PRRT2: variants seen among roughly 807,000 people sequenced by gnomAD.
PRRT2 encodes the protein proline-rich transmembrane protein 2.
A neutral mutation model predicts 24.7 loss-of-function variants in PRRT2; 9 were observed. The observed-to-expected ratio is 0.36, with a 90% confidence interval of 0.22 to 0.64. The LOEUF is 0.64. PRRT2 is among the 30% of genes least tolerant of loss of function. The pLI, the probability that PRRT2 is intolerant of heterozygous loss-of-function variation, is 0.65. For synonymous variants in PRRT2, 195 were observed against 175.5 expected, an observed-to-expected ratio of 1.11 and a Z score of -0.88; for missense variants, 460 against 435.0, an observed-to-expected ratio of 1.06 and a Z score of -0.51.
At position 29,814,099 on chromosome 16, in the gene PRRT2, C is replaced by A; in HGVS notation, c.879+166C>A. 2.0e-6 allele frequency: 3 copies of A among 1,472,362 alleles called. No individual in the cohort carries two copies. The highest frequency in any genetic ancestry group is 1.8e-6 in the Non-Finnish European group (2 of 1,120,796). 91.2% of individuals were successfully genotyped at this position (1,472,362 alleles called of 1,614,324 possible). A position where few individuals can be genotyped will look rare whatever the true frequency, so the allele number is the denominator to read the frequency against. ...TGTTTGCCTCTCCCTAGGACCTAAC[C>A]CTCTGAGCCACCACTGCCCTGCCCC... On this transcript the variant is annotated intron_variant, in intron 2 of 3. Transcript: ENST00000358758. The surrounding 1 kb of genome is among the most constrained non-coding windows in gnomAD (Gnocchi z 4.1).
rs1359563519 is a variant in PRRT2 at position 29,813,918 on chromosome 16, C to T, written c.864C>T (p.Phe288=). The T allele has an allele frequency of 1.9e-6, 3 of 1,598,156 alleles. No individual in the cohort carries two copies. The highest frequency in any genetic ancestry group is 1.7e-5 in the Admixed American group (1 of 58,006). ...TGTGGCCTGTCAACATCGTGGCCTTCGCTTATGCTGTCATGGTGAGCCCCA... is the reference window on the plus strand; with the variant it reads ...TGTGGCCTGTCAACATCGTGGCCTTTGCTTATGCTGTCATGGTGAGCCCCA... ...CPMWPVNIVA[F]AYAVMSRNSL... The change falls in exon 2 of 4, where the codon TTC becomes TTT. Residue 288 remains phenylalanine, a synonymous_variant. Transcript: ENST00000358758.
chr16:29,813,944 T>C lies in PRRT2; in HGVS notation c.879+11T>C. ...GCTTATGCTGTCATGGTGAGCCCCA[T>C]GGGACCCTAGCCCAGGCCTGCTGTG... On this transcript the variant is annotated intron_variant, in intron 2 of 3. Transcript: ENST00000358758. 2 of 1,570,566 alleles carry C rather than the reference T, an allele frequency of 1.3e-6. No individual in the cohort carries two copies. The highest frequency in any genetic ancestry group is 1.4e-5 in the African/African-American group (1 of 73,750).
intron 1 of PRRT2, among the ~76,000 whole-genome samples, chr16:29,812,732 G>A (rs1017838129): frequency 3.3e-5 from 5 of 151,852 alleles, no homozygotes; most frequent in African/African-American, 1.2e-4. Flanking sequence ...TTGTTGGATG[G>A]ACCCAGGGAG....
chr16:29,814,360 G>C lies in PRRT2; in HGVS notation c.907G>C (p.Val303Leu). 3.7e-6 allele frequency: 6 copies of C among 1,607,850 alleles called. No homozygotes were observed. The highest frequency in any genetic ancestry group is 5.1e-6 in the Non-Finnish European group (6 of 1,178,922). The change falls in exon 3 of 4, where the codon GTG becomes CTG. Residue 303 changes from valine to leucine, a missense_variant. Physicochemically the swap from Val to Leu is conservative, Grantham distance 32. Coordinates refer to ENST00000358758, the MANE Select transcript of PRRT2 (RefSeq NM_145239.3). This position sits in a 1 kb window ranked among gnomAD's most constrained non-coding sequence, Gnocchi z 4.1. ...CCGGAACAGCCTGCAGCAGGGGGAC[G>C]TGGACGGGGCCCAGCGTCTGGGCCG... ...MSRNSLQQGD[V>L]DGAQRLGRVA...
rs1247458543 is a variant in PRRT2, at chr16:29,814,685, C to T, written c.*47C>T. On this transcript the variant is annotated 3_prime_UTR_variant, in exon 4 of 4. Coordinates refer to ENST00000358758, the MANE Select transcript of PRRT2 (RefSeq NM_145239.3). This position sits in a 1 kb window ranked among gnomAD's most constrained non-coding sequence, Gnocchi z 4.1. ...AGACTTTTCTTCCTGTTGGGAGCTGCCTTGGGCCCATCCCTCCCCTGGGGG... is the reference window on the plus strand; with the variant it reads ...AGACTTTTCTTCCTGTTGGGAGCTGTCTTGGGCCCATCCCTCCCCTGGGGG... 6.3e-7 allele frequency: 1 copy of T among 1,576,562 alleles called. No homozygotes were observed. Among genetic ancestry groups the T allele is most frequent in the South Asian group, 1.2e-5 (1 of 84,706 alleles).
Position 29,813,546 on chromosome 16 carries a change from G to C in PRRT2, c.492G>C (p.Glu164Asp). 1.9e-6 allele frequency: 3 copies of C among 1,613,810 alleles called. No homozygotes were observed. The highest frequency in any genetic ancestry group is 2.2e-5 in the South Asian group (2 of 91,076). Residue 164 changes from glutamate to aspartate, a missense_variant, in exon 2 of 4, where the codon GAG becomes GAC. Transcript: ENST00000358758. Reference sequence around the variant, plus strand: ...TTCAACCAGAGCTCCCTACCCAGGAGGACCCCACCCCTGAGATTCTGTCTG... The same window carrying C: ...TTCAACCAGAGCTCCCTACCCAGGACGACCCCACCCCTGAGATTCTGTCTG... ...PALQPELPTQEDPTPEILSES... is the reference protein window; with the variant it reads ...PALQPELPTQDDPTPEILSES...
chr16:29,813,864 C>A lies in PRRT2; in HGVS notation c.810C>A (p.Ile270=). ...EGTQKPRDYI[I]LAILSCFCPM... ...CCCAGAAACCTCGGGACTACATCAT[C>A]CTTGCCATCCTGTCCTGCTTCTGCC... Residue 270 remains isoleucine (I), a synonymous_variant, in exon 2 of 4, where the codon ATC becomes ATA. Transcript: ENST00000358758. 6.2e-7 allele frequency: 1 copy of A among 1,613,724 alleles called. No homozygotes were observed. Among genetic ancestry groups the A allele is most frequent in the Non-Finnish European group, 8.5e-7 (1 of 1,179,770 alleles).
In PRRT2 at chr16:29,815,712, GGTTT is replaced by G. The variant is rs1401398060; in HGVS notation, c.*1075_*1078del. ...TACAACGCGGTTCGGATTTGGCGGG[GGTTT>G]TTTTCCTTAAAAAAAAAAAAAAAAA... On this transcript the variant is annotated 3_prime_UTR_variant, in exon 4 of 4. Transcript: ENST00000358758. 7.2e-6 allele frequency: 1 copy of G among 138,614 alleles called. No individual in the cohort carries two copies. The highest frequency in any genetic ancestry group is 7.3e-5 in the Admixed American group (1 of 13,756). 8.6% of individuals were successfully genotyped at this position (138,614 alleles called of 1,614,324 possible).
rs1351701416 is a variant in PRRT2, at chr16:29,813,523, C to A, written c.469C>A (p.Gln157Lys). ...DSQPTPKPAL[Q>K]PELPTQEDPT... is the part of the protein sequence containing the mutation. ...CCAGCCTACCCCCAAGCCAGCCCTT[C>A]AACCAGAGCTCCCTACCCAGGAGGA... Residue 157 changes from glutamine (Q) to lysine (K), a missense_variant, in exon 2 of 4, where the codon CAA becomes AAA. Gln to Lys is a moderately conservative substitution (Grantham distance 53). Coordinates refer to ENST00000358758, the MANE Select transcript of PRRT2 (RefSeq NM_145239.3). The A allele has an allele frequency of 6.2e-7, 1 of 1,613,764 alleles. No homozygotes were observed. Among genetic ancestry groups the A allele is most frequent in the Non-Finnish European group, 8.5e-7 (1 of 1,179,832 alleles).
intron 1 of PRRT2, among the ~76,000 whole-genome samples, chr16:29,812,679 C>T (rs1900037346): frequency 6.6e-6 from 1 of 152,010 alleles, no homozygotes; most frequent in South Asian, 2.1e-4. Context: ...GCTATTTGCA[C>T]AGCTCGTTGA....
At position 29,814,318 on chromosome 16, in the gene PRRT2, TCG is replaced by T; in HGVS notation, c.880-13_880-12del. On this transcript the variant is annotated splice_polypyrimidine_tract_variant and intron_variant, in intron 2 of 3. Transcript: ENST00000358758. This position sits in a 1 kb window ranked among gnomAD's most constrained non-coding sequence, Gnocchi z 4.1. ...GACCCCGGCTATGTGCCTCCACCCC[TCG>T]CCCTAACCCCAGTCCCGGAACAGCC... is the stretch of plus-strand genomic sequence containing the variant. The T allele has an allele frequency of 6.3e-7, 1 of 1,581,820 alleles. No homozygotes were observed. Among genetic ancestry groups the T allele is most frequent in the Non-Finnish European group, 8.5e-7 (1 of 1,170,684 alleles).
Position 29,814,909 on chromosome 16 carries a change from TTCTGGAAACCTCCCTGCAC to T in PRRT2, c.*288_*306del, listed in dbSNP as rs959215781. 84 of 475,058 alleles carry T rather than the reference TTCTGGAAACCTCCCTGCAC, an allele frequency of 1.8e-4. No individual in the cohort carries two copies. The highest frequency in any genetic ancestry group is 6.7e-4 in the Admixed American group (17 of 25,562). The allele number at this position is 475,058 out of a possible 1,614,324, so 29.4% of individuals were successfully genotyped here. Reference sequence around the variant, plus strand: ...GCCTCTTGGCCCCCTATCCCTGCACTTCTGGAAACCTCCCTGCACTCTGGAAACCTCCCTGAACACCTCC... The same window carrying T: ...GCCTCTTGGCCCCCTATCCCTGCACTTCTGGAAACCTCCCTGAACACCTCC... On this transcript the variant is annotated 3_prime_UTR_variant, in exon 4 of 4. Transcript: ENST00000358758. This position sits in a 1 kb window ranked among gnomAD's most constrained non-coding sequence, Gnocchi z 4.1.
At position 29,814,990 on chromosome 16, in the gene PRRT2, G is replaced by A. The variant is rs1297289536; in HGVS notation, c.*352G>A. The A allele has an allele frequency of 1.0e-5, 3 of 293,246 alleles. No individual in the cohort carries two copies. The highest frequency in any genetic ancestry group is 4.4e-5 in the African/African-American group (2 of 45,296). 18.2% of individuals were successfully genotyped at this position (293,246 alleles called of 1,614,324 possible). On this transcript the variant is annotated 3_prime_UTR_variant, in exon 4 of 4. Transcript: ENST00000358758. This position sits in a 1 kb window ranked among gnomAD's most constrained non-coding sequence, Gnocchi z 4.1. ...CTCTCAGCCTCCCTGCATCTCTCCT[G>A]GCCTCCCTGCACTTCTTCCAGCCCC... is the stretch of plus-strand genomic sequence containing the variant.
rs1271610665 is a variant in PRRT2 at position 29,815,424 on chromosome 16, G to A, written c.*786G>A. Reference sequence around the variant, plus strand: ...GTTCCGAACGCACGCAGGGGAGAAGGGAGGGACGCGGCGCTGACCCTTCCA... The same window carrying A: ...GTTCCGAACGCACGCAGGGGAGAAGAGAGGGACGCGGCGCTGACCCTTCCA... On this transcript the variant is annotated 3_prime_UTR_variant, in exon 4 of 4. Coordinates refer to ENST00000358758, the MANE Select transcript of PRRT2 (RefSeq NM_145239.3). 2.0e-5 allele frequency: 3 copies of A among 152,570 alleles called. No homozygotes were observed. Among genetic ancestry groups the A allele is most frequent in the African/African-American group, 7.2e-5 (3 of 41,424 alleles). The allele number at this position is 152,570 out of a possible 1,614,324, so 9.5% of individuals were successfully genotyped here.
At position 29,813,695 on chromosome 16, in the gene PRRT2, C is replaced by G. The variant is rs1299324384; in HGVS notation, c.641C>G (p.Ala214Gly). Residue 214 changes from alanine (A) to glycine (G), a missense_variant, in exon 2 of 4, where the codon GCC (alanine) becomes GGC (glycine). Physicochemically the swap from Ala to Gly is moderately conservative, Grantham distance 60. This residue lies in a region of PRRT2 where 378 missense variants were observed against 324.6 expected (regional missense o/e 1.16). Coordinates refer to ENST00000358758, the MANE Select transcript of PRRT2 (RefSeq NM_145239.3). ...AAAAAATCCCCCCCAGCCAATGGGG[C>G]CCCCCCCCGAGTGCTGCAGCAGCTG... The part of the protein sequence containing the change: ...PSKKSPPANG[A>G]PPRVLQQLVE... The G allele has an allele frequency of 5.1e-6, 5 of 972,604 alleles. No individual in the cohort carries two copies. The highest frequency in any genetic ancestry group is 7.2e-6 in the Non-Finnish European group (5 of 694,740). The allele number at this position is 972,604 out of a possible 1,614,324, so 60.2% of individuals were successfully genotyped here.
At position 29,814,356 on chromosome 16, in the gene PRRT2, G is replaced by T; in HGVS notation, c.903G>T (p.Gly301=). 1.2e-6 allele frequency: 2 copies of T among 1,607,042 alleles called. No homozygotes were observed. The highest frequency in any genetic ancestry group is 1.7e-6 in the Non-Finnish European group (2 of 1,178,858). The part of the protein sequence containing the change: ...AVMSRNSLQQ[G]DVDGAQRLGR... ...AGTCCCGGAACAGCCTGCAGCAGGG[G>T]GACGTGGACGGGGCCCAGCGTCTGG... Residue 301 remains glycine, a synonymous_variant, in exon 3 of 4, where the codon GGG becomes GGT. Transcript: ENST00000358758. The surrounding 1 kb of genome is among the most constrained non-coding windows in gnomAD (Gnocchi z 4.1).
Position 29,813,799 on chromosome 16 carries a change from T to C in PRRT2, c.745T>C (p.Ser249Pro), listed in dbSNP as rs944092875. ...PRGSLSRHPSSQLAGPGVEGG... is the reference protein window; with the variant it reads ...PRGSLSRHPSPQLAGPGVEGG... ...AGGTAGCCTGAGCCGCCACCCCAGC[T>C]CCCAGTTGGCAGGTCCTGGGGTGGA... The change falls in exon 2 of 4, where the codon TCC (serine) becomes CCC (proline). Residue 249 changes from serine to proline, a missense_variant. By Grantham distance (74) the Ser-to-Pro change is moderately conservative. Around this residue, in one of 3 missense-constraint regions of PRRT2, gnomAD observed 378 missense variants for 324.6 expected, o/e 1.16. Transcript: ENST00000358758. The C allele has an allele frequency of 8.1e-6, 13 of 1,611,022 alleles. No individual in the cohort carries two copies. Among genetic ancestry groups the C allele is most frequent in the Non-Finnish European group, 1.1e-5 (13 of 1,178,558 alleles).
rs1383421303 is a variant in PRRT2 at position 29,813,862 on chromosome 16, A to G, written c.808A>G (p.Ile270Val). ...EGTQKPRDYI[I>V]LAILSCFCPM... ...CACCCAGAAACCTCGGGACTACATC[A>G]TCCTTGCCATCCTGTCCTGCTTCTG... The change falls in exon 2 of 4, where the codon ATC becomes GTC. Residue 270 changes from isoleucine (I) to valine (V), a missense_variant. Coordinates refer to ENST00000358758, the MANE Select transcript of PRRT2 (RefSeq NM_145239.3). The G allele has an allele frequency of 6.2e-7, 1 of 1,613,376 alleles. No individual in the cohort carries two copies. Among genetic ancestry groups the G allele is most frequent in the African/African-American group, 1.3e-5 (1 of 74,834 alleles).
At chr16:29,812,875 C>T (rs1286971290) in intron 1 of PRRT2, 115 bp from the exon 2 acceptor site, 11 of 617,994 alleles carry the variant, frequency 1.8e-5, no homozygotes, top group South Asian at 1.4e-4. Context: ...ACTTTTCTTC[C>T]TCTCCCTAGA....
Sources: allele counts gnomAD v4.1 joint callset (sites outside exome capture counted in the v4.1 genomes callset), GRCh38; gene constraint gnomAD v4.1.1; regional missense constraint gnomAD v4.1.1; non-coding constraint Gnocchi (gnomAD v3.1); transcripts MANE v1.5; gene names NCBI Gene and HGNC (gene_info 2026-07-23, HGNC 2026-07-21).